The following TRIM67 variants were observed in gnomAD, a reference collection of about 807,000 sequenced individuals.
TRIM67 encodes tripartite motif containing 67, also known as tripartite motif-containing protein 67.
TRIM67 carries 39 observed loss-of-function variants against 71.0 expected under a neutral mutation model. The ratio of observed to expected loss-of-function variants is 0.55; its 90% CI spans 0.43 to 0.72. The LOEUF is 0.72. Among genes scored for constraint, TRIM67 ranks in the 30% least tolerant of loss-of-function variants. The pLI is 0.00. For missense variants in TRIM67, 973 were observed against 1,079.2 expected (o/e 0.90, Z 1.38); for synonymous variants, 481 against 473.9 (o/e 1.01, Z -0.19).
intron 5 of TRIM67, among the ~76,000 whole-genome samples, chr1:231,203,044 T>A (rs999310992): frequency 6.6e-6 from 1 of 152,158 alleles, no homozygotes; most frequent in Admixed American, 6.5e-5. Context: ...GCTCGTTAAC[T>A]GAGGCTGGGA....
rs932216968 is a variant in TRIM67 at position 231,187,714 on chromosome 1, G to C, written c.1045-9657G>C. On this transcript the variant is annotated intron_variant, in intron 1 of 9. Transcript: ENST00000366653. ...GTGGGAGAGGCGGGGTGGGAAAGGC[G>C]GGCAGAAGGAAGCCACGTGGCTGGG... The C allele has an allele frequency of 5.5e-6, 4 of 727,002 alleles. No homozygotes were observed. The South Asian group carries it at 6.0e-5, about 11-fold the overall frequency. The allele number at this position is 727,002 out of a possible 1,614,324, so 45.0% of individuals were successfully genotyped here.
intron 1 of TRIM67, among the ~76,000 whole-genome samples, chr1:231,194,436 T>C (rs992111915): frequency 1.3e-5 from 2 of 152,210 alleles, no homozygotes; most frequent in Admixed American, 6.5e-5. Context: ...TAAAGGTTCA[T>C]TGGAAGCCAA....
rs1486776141 is a variant in TRIM67, at chr1:231,162,892, G to T, written c.-78G>T. 13 of 1,538,786 alleles carry T rather than the reference G, an allele frequency of 8.4e-6. No homozygotes were observed. The highest frequency in any genetic ancestry group is 1.1e-5 in the Non-Finnish European group (13 of 1,148,002). ...CCGTCGTCTCACCGGGGCGCACCGC[G>T]CTGGTCCTCCTCCGCCAGTCTCCCG... On this transcript the variant is annotated 5_prime_UTR_variant, in exon 1 of 10. Coordinates refer to ENST00000366653, the MANE Select transcript of TRIM67 (RefSeq NM_001004342.5).
At chr1:231,177,010 C>T (rs1422575366) in intron 1 of TRIM67, among the ~76,000 whole-genome samples, 4 of 150,668 alleles carry the variant, frequency 2.7e-5, no homozygotes, top group Admixed American at 6.6e-5. Context: ...GTGAGGAAAC[C>T]GTAACATAAG....
chr1:231,182,665 A>C (rs1198580580), intron 1 of TRIM67, among the ~76,000 whole-genome samples: 2 of 152,188 alleles, frequency 1.3e-5, no homozygotes, highest in Admixed American at 1.3e-4. Flanking sequence ...GGTCATGTGA[A>C]GGTGGCTTGC....
intron 1 of TRIM67, among the ~76,000 whole-genome samples, chr1:231,181,876 G>A (rs1359660492): frequency 6.6e-6 from 1 of 152,048 alleles, no homozygotes; most frequent in Non-Finnish European, 1.5e-5. Context: ...GTTTGATTTG[G>A]CTTAAAATCT....
chr1:231,220,002 C>T lies in TRIM67; in HGVS notation c.*4562C>T, dbSNP rs760291951. On this transcript the variant is annotated 3_prime_UTR_variant, in exon 10 of 10. Coordinates refer to ENST00000366653, the MANE Select transcript of TRIM67 (RefSeq NM_001004342.5). ...TATGAGTGGGGGCCAATCTCTTATC[C>T]TTTCTGTGCCTCAGTATCCCCACCT... 61 of 1,261,556 alleles carry T rather than the reference C, an allele frequency of 4.8e-5. No homozygotes were observed. The Middle Eastern group carries it at 8.6e-4, about 18-fold the overall frequency. The allele number at this position is 1,261,556 out of a possible 1,614,324, so 78.1% of individuals were successfully genotyped here.
intron 1 of TRIM67, among the ~76,000 whole-genome samples, chr1:231,173,336 C>G (rs911066496): frequency 3.3e-5 from 5 of 152,124 alleles, no homozygotes; most frequent in African/African-American, 1.2e-4. Context: ...TTCTTGAGGC[C>G]AGGGGTTCAA....
intron 1 of TRIM67, among the ~76,000 whole-genome samples, chr1:231,180,209 G>A (rs773920594): frequency 9.9e-5 from 15 of 152,164 alleles, no homozygotes; most frequent in Non-Finnish European, 2.1e-4. Flanking sequence ...AATGGGTGCT[G>A]AGTATTCAGT....
At chr1:231,178,945 C>T (rs1682828973) in intron 1 of TRIM67, among the ~76,000 whole-genome samples, 1 of 152,312 alleles carries the variant, frequency 6.6e-6, no homozygotes, top group South Asian at 2.1e-4. Flanking sequence ...GAGAGCCCAA[C>T]ACCCATTTTT....
chr1:231,217,920 TC>T lies in TRIM67; in HGVS notation c.*2483del, dbSNP rs1224712234. On this transcript the variant is annotated 3_prime_UTR_variant, in exon 10 of 10. Coordinates refer to ENST00000366653, the MANE Select transcript of TRIM67 (RefSeq NM_001004342.5). ...AAGTCCAGAGAGGTGCAGCCAGGAC[TC>T]CCTCCTCCCCACTGCCACCCTGAGC... The T allele has an allele frequency of 7.0e-6, 9 of 1,284,108 alleles. No homozygotes were observed. The highest frequency in any genetic ancestry group is 9.1e-6 in the Non-Finnish European group (9 of 986,374). The allele number at this position is 1,284,108 out of a possible 1,614,324, so 79.5% of individuals were successfully genotyped here. A position where few individuals can be genotyped will look rare whatever the true frequency, so the allele number is the denominator to read the frequency against.
At chr1:231,181,836 T>C (rs1345749741) in intron 1 of TRIM67, among the ~76,000 whole-genome samples, 1 of 152,228 alleles carries the variant, frequency 6.6e-6, no homozygotes, top group Non-Finnish European at 1.5e-5. Context: ...TTGAACTTCT[T>C]TTCTCTATTC....
intron 7 of TRIM67, 66 bp downstream of exon 7, chr1:231,206,856 C>G: frequency 6.8e-7 from 1 of 1,479,080 alleles, no homozygotes; most frequent in East Asian, 2.5e-5. Context: ...AACCAGACAG[C>G]CACTTGTGGC....
At position 231,218,027 on chromosome 1, in the gene TRIM67, T is replaced by C; in HGVS notation, c.*2587T>C. 1.7e-6 allele frequency: 2 copies of C among 1,183,442 alleles called. No individual in the cohort carries two copies. Among genetic ancestry groups the C allele is most frequent in the Non-Finnish European group, 2.1e-6 (2 of 937,826 alleles). The allele number at this position is 1,183,442 out of a possible 1,614,324, so 73.3% of individuals were successfully genotyped here. On this transcript the variant is annotated 3_prime_UTR_variant, in exon 10 of 10. Coordinates refer to ENST00000366653, the MANE Select transcript of TRIM67 (RefSeq NM_001004342.5). ...GCCGATGCCAGGGACAGCATCCAGC[T>C]CTCCTTCACAGACACCTCTCCTGTC...
intron 1 of TRIM67, among the ~76,000 whole-genome samples, chr1:231,182,746 G>A (rs546561212): frequency 1.3e-5 from 2 of 152,304 alleles, no homozygotes; most frequent in East Asian, 3.9e-4. Context: ...CCAAGTCCAA[G>A]GGGAGGCATG....
Position 231,217,899 on chromosome 1 carries a change from C to G in TRIM67, c.*2459C>G. ...CTTTCAGAAAAAAGTTCCCTGAAGT[C>G]CAGAGAGGTGCAGCCAGGACTCCCT... On this transcript the variant is annotated 3_prime_UTR_variant, in exon 10 of 10. Coordinates refer to ENST00000366653, the MANE Select transcript of TRIM67 (RefSeq NM_001004342.5). The G allele has an allele frequency of 7.8e-7, 1 of 1,288,678 alleles. No homozygotes were observed. Among genetic ancestry groups the G allele is most frequent in the Non-Finnish European group, 1.0e-6 (1 of 988,378 alleles). The allele number at this position is 1,288,678 out of a possible 1,614,324, so 79.8% of individuals were successfully genotyped here. A position where few individuals can be genotyped will look rare whatever the true frequency, so the allele number is the denominator to read the frequency against.
rs1355462083 is a variant in TRIM67, at chr1:231,163,074, G to C, written c.105G>C (p.Ala35=). 2 of 1,598,876 alleles carry C rather than the reference G, an allele frequency of 1.3e-6. No individual in the cohort carries two copies. Among genetic ancestry groups the C allele is most frequent in the Non-Finnish European group, 1.7e-6 (2 of 1,173,668 alleles). ...NVCLPCARTI[A]VQTPDGEQHL... is the part of the protein sequence containing the mutation. ...GCCTGCCTTGCGCTCGCACCATCGC[G>C]GTGCAGACCCCGGACGGTGAGCAGC... Residue 35 remains alanine (A), a synonymous_variant, in exon 1 of 10, where the codon GCG becomes GCC. Coordinates refer to ENST00000366653, the MANE Select transcript of TRIM67 (RefSeq NM_001004342.5).
At chr1:231,182,330 G>A (rs1682927864) in intron 1 of TRIM67, among the ~76,000 whole-genome samples, 2 of 152,192 alleles carry the variant, frequency 1.3e-5, no homozygotes, top group Admixed American at 6.5e-5. Flanking sequence ...AGGAGGATAA[G>A]GTGGGAGGAT....
In TRIM67 at chr1:231,191,312, G is replaced by A. The variant is rs374848940; in HGVS notation, c.1045-6059G>A. ...ACTCCTGGGCTCAAGTGATCCTCCC[G>A]CCTTGGCCTCCCAGAGTGTTGGGTT... is the stretch of plus-strand genomic sequence containing the variant. On this transcript the variant is annotated intron_variant, in intron 1 of 9. Transcript: ENST00000366653. Among the ~76,000 whole-genome samples, 199 of 152,262 alleles carry A rather than the reference G, an allele frequency of 1.3e-3. 2 individuals are homozygous for A. Among genetic ancestry groups the A allele is most frequent in the African/African-American group, 4.6e-3 (191 of 41,544 alleles).
Sources: allele counts gnomAD v4.1 joint callset (sites outside exome capture counted in the v4.1 genomes callset), GRCh38; gene constraint gnomAD v4.1.1; transcripts MANE v1.5; gene names NCBI Gene and HGNC (gene_info 2026-07-23, HGNC 2026-07-21).